Variants in BLM observed in about 807,000 individuals in gnomAD.
BLM encodes the protein recQ-like DNA helicase BLM.
Under a neutral mutation model 135.3 loss-of-function variants are expected in BLM, and 95 were observed. The observed-to-expected ratio is 0.70, with a 90% CI of 0.59 to 0.83. The LOEUF (loss-of-function observed/expected upper bound fraction) is 0.83. BLM is among the 40% of genes least tolerant of loss of function. The probability of loss-of-function intolerance (pLI) is 0.00; values close to 1 mark genes in which losing one functional copy is unlikely to be tolerated. For synonymous variants in BLM, 520 were observed against 589.2 expected, an observed-to-expected ratio of 0.88 and a Z score of 1.70; for missense variants, 1,518 against 1,663.9, an observed-to-expected ratio of 0.91 and a Z score of 1.53.
intron 7 of BLM, among the ~76,000 whole-genome samples, 168 bp from the exon 8 acceptor site, chr15:90,762,798 A>T (rs909924654): frequency 1.3e-5 from 2 of 152,164 alleles, no homozygotes; most frequent in African/African-American, 4.8e-5. Context: ...GACTTTGGCA[A>T]GTTTTTGGTG....
At chr15:90,740,587 G>A (rs946963743) in intron 1 of BLM, among the ~76,000 whole-genome samples, 6 of 152,156 alleles carry the variant, frequency 3.9e-5, no homozygotes, top group Admixed American at 6.5e-5. Flanking sequence ...TCACTCTTTC[G>A]CATATATAGC....
At chr15:90,807,142 G>A (rs550059648) in intron 19 of BLM, among the ~76,000 whole-genome samples, 1 of 152,278 alleles carries the variant, frequency 6.6e-6, no homozygotes, top group East Asian at 1.9e-4. Context: ...CATTTCCAGA[G>A]TGTTCCACTA....
chr15:90,785,585 C>T (rs1438675129), intron 14 of BLM, among the ~76,000 whole-genome samples: 7 of 151,350 alleles, frequency 4.6e-5, no homozygotes, highest in African/African-American at 1.7e-4. Context: ...ACTCTGTCGC[C>T]CAGACTACAG....
Position 90,767,833 on chromosome 15 carries a change from A to G in BLM, c.2307+810A>G, listed in dbSNP as rs146277744. Among the ~76,000 whole-genome samples the G allele has an allele frequency of 8.1e-4, 124 of 152,316 alleles. No homozygotes were observed. In the East Asian group the frequency reaches 0.023, roughly 28 times the overall value. On this transcript the variant is annotated intron_variant, in intron 10 of 21. Coordinates refer to ENST00000355112, the MANE Select transcript of BLM (RefSeq NM_000057.4). ...CAGAATTTTACCCACAAGTTTTAGT[A>G]TCCATTGATGATTCTTCCCCAAATC...
intron 1 of BLM, among the ~76,000 whole-genome samples, chr15:90,738,912 A>T (rs1207319465): frequency 1.3e-5 from 2 of 152,224 alleles, no homozygotes; most frequent in Non-Finnish European, 2.9e-5. Context: ...ACTGTGGAGA[A>T]CAGTGTGGTG....
Position 90,731,771 on chromosome 15 carries a change from CCTCT to C in BLM, c.-5+14334_-5+14337del, listed in dbSNP as rs917011497. 8.1e-4 allele frequency among the ~76,000 whole-genome samples: 123 copies of C among 151,108 alleles called. 1 individual carries two copies. Among genetic ancestry groups the C allele is most frequent in the African/African-American group, 2.9e-3 (118 of 41,242 alleles). ...TACAGAACAAACTTGGTTTATTGAT[CCTCT>C]CTATTATATATCTATTATTTTTTAC... On this transcript the variant is annotated intron_variant, in intron 1 of 21. Coordinates refer to ENST00000355112, the MANE Select transcript of BLM (RefSeq NM_000057.4).
intron 4 of BLM, among the ~76,000 whole-genome samples, chr15:90,752,524 A>C (rs440052): frequency 3.3e-5 from 5 of 152,188 alleles, no homozygotes; most frequent in African/African-American, 1.2e-4. Context: ...AAAATATTAT[A>C]TTTCCAAACC....
chr15:90,770,391 G>T lies in BLM; in HGVS notation c.2555+805G>T, dbSNP rs561205485. ...CGGGGTGTCACTGTCTTAGCCAGGA[G>T]GGTCTCGATCTCCTGACCTCGTGAT... is the stretch of plus-strand genomic sequence containing the variant. On this transcript the variant is annotated intron_variant, in intron 12 of 21. Coordinates refer to ENST00000355112, the MANE Select transcript of BLM (RefSeq NM_000057.4). 1.3e-3 allele frequency among the ~76,000 whole-genome samples: 198 copies of T among 152,172 alleles called. 1 individual carries two copies. Among genetic ancestry groups the T allele is most frequent in the African/African-American group, 4.2e-3 (174 of 41,534 alleles).
At chr15:90,780,992 C>A (rs994279303) in intron 12 of BLM, among the ~76,000 whole-genome samples, 8 of 152,070 alleles carry the variant, frequency 5.3e-5, no homozygotes, top group African/African-American at 1.9e-4. Flanking sequence ...CATGGGAAAC[C>A]AAGGGATGTG....
At chr15:90,803,337 C>T (rs1394196451) in intron 17 of BLM, among the ~76,000 whole-genome samples, 184 bp from the exon 18 acceptor site, 2 of 152,116 alleles carry the variant, frequency 1.3e-5, no homozygotes, top group Non-Finnish European at 2.9e-5. Context: ...AAAGTACATA[C>T]AACCATAGAA....
intron 12 of BLM, among the ~76,000 whole-genome samples, chr15:90,776,696 GT>G (rs887172755): frequency 2.4e-4 from 37 of 151,712 alleles, no homozygotes; most frequent in Non-Finnish European, 2.7e-4. Context: ...TAATTTTTAT[GT>G]TTTTTGTTTG....
At chr15:90,792,737 C>T (rs1286884284) in intron 15 of BLM, among the ~76,000 whole-genome samples, 4 of 152,074 alleles carry the variant, frequency 2.6e-5, no homozygotes, top group Non-Finnish European at 5.9e-5. Context: ...CACAATAACC[C>T]TCAGAGATAA....
intron 15 of BLM, among the ~76,000 whole-genome samples, chr15:90,792,562 G>A (rs570155595): frequency 2.6e-5 from 4 of 152,210 alleles, no homozygotes; most frequent in African/African-American, 7.2e-5. Context: ...AGTGAGCTTC[G>A]GAAAGGTTTT....
At chr15:90,809,663 A>G (rs1467689788) in intron 20 of BLM, among the ~76,000 whole-genome samples, 1 of 152,232 alleles carries the variant, frequency 6.6e-6, no homozygotes, top group Admixed American at 6.5e-5. Context: ...AACATGTCTA[A>G]AGATAAAATT....
At chr15:90,723,705 A>G (rs185377009) in intron 1 of BLM, among the ~76,000 whole-genome samples, 1 of 152,166 alleles carries the variant, frequency 6.6e-6, no homozygotes, top group Non-Finnish European at 1.5e-5. Flanking sequence ...AGAGTTTTAC[A>G]TGTATAGTAC....
In BLM at chr15:90,798,133, G is replaced by A; in HGVS notation, c.3211-57G>A. 7 of 1,463,622 alleles carry A rather than the reference G, an allele frequency of 4.8e-6. No homozygotes were observed. The East Asian group carries it at 1.4e-4, about 29-fold the overall frequency. The allele number at this position is 1,463,622 out of a possible 1,614,324, so 90.7% of individuals were successfully genotyped here. A position where few individuals can be genotyped will look rare whatever the true frequency, so the allele number is the denominator to read the frequency against. ...CTACTATAGTTAATATTAAACCCTA[G>A]TAATCTAGGCATTGTTACCTTAATT... On this transcript the variant is annotated intron_variant, in intron 16 of 21. Coordinates refer to ENST00000355112, the MANE Select transcript of BLM (RefSeq NM_000057.4).
At chr15:90,799,082 T>C (rs1482946129) in intron 17 of BLM, among the ~76,000 whole-genome samples, 1 of 151,564 alleles carries the variant, frequency 6.6e-6, no homozygotes. Context: ...GGAGAATCGC[T>C]TGAACCTGGG....
chr15:90,790,522 A>G, intron 14 of BLM, 127 bp from the exon 15 acceptor site: 1 of 869,508 alleles, frequency 1.2e-6, no homozygotes. Flanking sequence ...AAGTTAAGAT[A>G]TTAGGTTGTT....
intron 12 of BLM, among the ~76,000 whole-genome samples, chr15:90,775,765 G>A (rs1896461115): frequency 6.6e-6 from 1 of 152,068 alleles, no homozygotes; most frequent in African/African-American, 2.4e-5. Flanking sequence ...ACCCGCCCCA[G>A]CCTCCCAAAG....
Sources: allele counts gnomAD v4.1 joint callset (sites outside exome capture counted in the v4.1 genomes callset), GRCh38; gene constraint gnomAD v4.1.1; transcripts MANE v1.5; gene names NCBI Gene and HGNC (gene_info 2026-07-23, HGNC 2026-07-21).